Variants in SMC2 observed in about 807,000 individuals in gnomAD.
SMC2 encodes structural maintenance of chromosomes protein 2.
SMC2 carries 41 observed loss-of-function variants against 142.6 expected under a neutral mutation model. The ratio of observed to expected loss-of-function variants is 0.29; its 90% CI spans 0.22 to 0.37. SMC2 has a LOEUF of 0.37. SMC2 is among the 10% of genes least tolerant of loss of function. The probability of loss-of-function intolerance (pLI) is 1.00; values close to 1 mark genes in which losing one functional copy is unlikely to be tolerated. For synonymous variants in SMC2, 463 were observed against 457.5 expected (o/e 1.01, Z -0.15); for missense variants, 1,265 against 1,373.7 (o/e 0.92, Z 1.25).
intron 7 of SMC2, 92 bp downstream of exon 7, chr9:104,100,525 G>A (rs1830991454): frequency 1.1e-5 from 9 of 850,032 alleles, no homozygotes; most frequent in Middle Eastern, 2.3e-4. Flanking sequence ...ACTATTTCTT[G>A]GGGGTTTTTT....
chr9:104,116,338 T>C lies in SMC2; in HGVS notation c.1791+19T>C. On this transcript the variant is annotated intron_variant, in intron 14 of 24. Coordinates refer to ENST00000374793, the MANE Select transcript of SMC2 (RefSeq NM_006444.3). ...GAATCTTGTAAGTCTCATTTTGTCT[T>C]ATTTATATGTTTAATCGTCATCTGT... 1.3e-6 allele frequency: 2 copies of C among 1,589,732 alleles called. No homozygotes were observed. The highest frequency in any genetic ancestry group is 1.4e-5 in the African/African-American group (1 of 73,692).
chr9:104,127,338 C>T lies in SMC2; in HGVS notation c.2648C>T (p.Thr883Ile), dbSNP rs890876303. Residue 883 changes from threonine to isoleucine, a missense_variant, in exon 20 of 25, where the codon ACA becomes ATA. This residue lies in a region of SMC2 where 898 missense variants were observed against 904.2 expected (regional missense o/e 0.99). Coordinates refer to ENST00000374793, the MANE Select transcript of SMC2 (RefSeq NM_006444.3). ...EEVTKQKEVI[T>I]AQDTVIKAKY... ...GTGACCAAGCAAAAAGAGGTGATAA[C>T]AGCCCAAGACACTGTAATTAAAGCT... 4.4e-6 allele frequency: 7 copies of T among 1,604,724 alleles called. No individual in the cohort carries two copies. The highest frequency in any genetic ancestry group is 1.3e-5 in the African/African-American group (1 of 74,696).
intron 18 of SMC2, among the ~76,000 whole-genome samples, chr9:104,125,628 G>T (rs1480913769): frequency 6.6e-6 from 1 of 152,096 alleles, no homozygotes; most frequent in Non-Finnish European, 1.5e-5. Flanking sequence ...TATTCTGGAT[G>T]TCATATCAGA....
intron 18 of SMC2, among the ~76,000 whole-genome samples, chr9:104,126,388 A>G (rs1834285303): frequency 6.6e-6 from 1 of 152,218 alleles, no homozygotes; most frequent in East Asian, 1.9e-4. Flanking sequence ...CCCTATAGGA[A>G]TAAAGGATAA....
At chr9:104,110,611 T>C (rs1398925926) in intron 9 of SMC2, among the ~76,000 whole-genome samples, 1 of 31,564 alleles carries the variant, frequency 3.2e-5, no homozygotes, top group African/African-American at 4.1e-4. Flanking sequence ...AATAATTGAA[T>C]CTAAGTCTTT....
Position 104,120,093 on chromosome 9 carries a change from T to C in SMC2, c.2063T>C (p.Leu688Pro). ...FQELKDVQDE[L>P]RIKENELRAL... ...GAACTCAAAGATGTTCAGGATGAACTGAGAATCAAAGAGAATGAGCTGCGG... is the reference window on the plus strand; with the variant it reads ...GAACTCAAAGATGTTCAGGATGAACCGAGAATCAAAGAGAATGAGCTGCGG... Residue 688 changes from leucine to proline, a missense_variant, in exon 16 of 25, where the codon CTG becomes CCG. Physicochemically the swap from Leu to Pro is moderately conservative, Grantham distance 98. Around this residue, in one of 4 missense-constraint regions of SMC2, gnomAD observed 898 missense variants for 904.2 expected, o/e 0.99. Transcript: ENST00000374793. 1 of 1,613,964 alleles carries C rather than the reference T, an allele frequency of 6.2e-7. No homozygotes were observed. Among genetic ancestry groups the C allele is most frequent in the Non-Finnish European group, 8.5e-7 (1 of 1,179,900 alleles).
chr9:104,101,282 C>T (rs183691886), intron 7 of SMC2, among the ~76,000 whole-genome samples: 1 of 152,226 alleles, frequency 6.6e-6, no homozygotes, highest in East Asian at 1.9e-4. Context: ...ATTAAATGCT[C>T]ATTGAAATTT....
At chr9:104,132,731 T>G (rs1298944743) in intron 22 of SMC2, among the ~76,000 whole-genome samples, 1 of 152,102 alleles carries the variant, frequency 6.6e-6, no homozygotes, top group African/African-American at 2.4e-5. Context: ...TCTCTAAGAC[T>G]TATTTTCAGT....
chr9:104,128,348 A>G (rs1309734478), intron 20 of SMC2, among the ~76,000 whole-genome samples: 1 of 152,176 alleles, frequency 6.6e-6, no homozygotes, highest in Non-Finnish European at 1.5e-5. Flanking sequence ...TAGTGGACTG[A>G]CTGAAATACT....
chr9:104,129,889 C>A, intron 21 of SMC2, 44 bp downstream of exon 21: 1 of 1,420,118 alleles, frequency 7.0e-7, no homozygotes, highest in Non-Finnish European at 9.9e-7. Context: ...TAGAACATGA[C>A]TAGCATTGAC....
rs1835871670 is a variant in SMC2 at position 104,139,328 on chromosome 9, T to C, written c.*13T>C. ...TGTGGAAGTTTAAACTACAAAGTTA[T>C]TTCTTCATCTTGACCTGTTTTTTTA... On this transcript the variant is annotated 3_prime_UTR_variant, in exon 25 of 25. Coordinates refer to ENST00000374793, the MANE Select transcript of SMC2 (RefSeq NM_006444.3). 6.4e-7 allele frequency: 1 copy of C among 1,559,720 alleles called. No homozygotes were observed. Among genetic ancestry groups the C allele is most frequent in the African/African-American group, 1.4e-5 (1 of 70,662 alleles).
In SMC2 at chr9:104,118,156, G is replaced by C; in HGVS notation, c.1792-15G>C. The C allele has an allele frequency of 6.2e-7, 1 of 1,609,324 alleles. No individual in the cohort carries two copies. Among genetic ancestry groups the C allele is most frequent in the South Asian group, 1.1e-5 (1 of 90,890 alleles). On this transcript the variant is annotated splice_polypyrimidine_tract_variant and intron_variant, in intron 14 of 24. Transcript: ENST00000374793. ...TAGTAGTATGTACTGTGGCATATCT[G>C]TTGTTGTCCCACAGGTTGGCCCTGA...
At chr9:104,136,557 A>C (rs1835545956) in intron 23 of SMC2, among the ~76,000 whole-genome samples, 1 of 152,022 alleles carries the variant, frequency 6.6e-6, no homozygotes, top group African/African-American at 2.4e-5. Flanking sequence ...ATATACCACT[A>C]TCCAACATGG....
intron 22 of SMC2, among the ~76,000 whole-genome samples, chr9:104,132,420 A>G (rs1159399652): frequency 3.3e-5 from 5 of 152,122 alleles, no homozygotes; most frequent in African/African-American, 1.2e-4. Flanking sequence ...GTTTTATGAC[A>G]ACTTTGGCAG....
intron 14 of SMC2, among the ~76,000 whole-genome samples, chr9:104,116,832 G>A (rs1185183853): frequency 2.6e-5 from 4 of 152,136 alleles, no homozygotes; most frequent in Non-Finnish European, 5.9e-5. Context: ...GATCTAAAGT[G>A]ACATGCTTGC....
chr9:104,119,220 C>A (rs1428864847), intron 15 of SMC2, among the ~76,000 whole-genome samples: 1 of 152,142 alleles, frequency 6.6e-6, no homozygotes, highest in Non-Finnish European at 1.5e-5. Context: ...TAAAAAGAGA[C>A]TGTGTTTTTA....
intron 21 of SMC2, among the ~76,000 whole-genome samples, chr9:104,131,373 G>A (rs1834944915): frequency 6.6e-6 from 1 of 152,062 alleles, no homozygotes; most frequent in Non-Finnish European, 1.5e-5. Context: ...TAAAGTCAAG[G>A]GATAAATAAG....
intron 14 of SMC2, among the ~76,000 whole-genome samples, chr9:104,116,930 A>T (rs1305547744): frequency 6.6e-6 from 1 of 152,224 alleles, no homozygotes; most frequent in African/African-American, 2.4e-5. Flanking sequence ...CAGTCATAAC[A>T]TTCAGCTGTA....
chr9:104,129,064 T>C (rs1389174923), intron 20 of SMC2, among the ~76,000 whole-genome samples: 1 of 152,222 alleles, frequency 6.6e-6, no homozygotes, highest in Non-Finnish European at 1.5e-5. Flanking sequence ...GCTTTGCGTA[T>C]ACTTCGTAAA....
Sources: allele counts gnomAD v4.1 joint callset (sites outside exome capture counted in the v4.1 genomes callset), GRCh38; gene constraint gnomAD v4.1.1; regional missense constraint gnomAD v4.1.1; transcripts MANE v1.5; gene names NCBI Gene and HGNC (gene_info 2026-07-23, HGNC 2026-07-21).